ZNF385D: variants seen among roughly 807,000 people sequenced by gnomAD.
ZNF385D encodes the protein zinc finger protein 385D.
ZNF385D carries 15 observed loss-of-function variants against 35.8 expected under a neutral mutation model. The ratio of observed to expected loss-of-function variants is 0.42; its 90% CI spans 0.28 to 0.64. The LOEUF is 0.64. Ranked by LOEUF, ZNF385D falls within the 30% of genes least tolerant of loss-of-function variation. The probability of loss-of-function intolerance (pLI) is 0.23; values close to 1 mark genes in which losing one functional copy is unlikely to be tolerated. For synonymous variants in ZNF385D, 212 were observed against 186.8 expected, an observed-to-expected ratio of 1.13 and a Z score of -1.10; for missense variants, 474 against 494.6, an observed-to-expected ratio of 0.96 and a Z score of 0.39.
At chr3:22,324,933 A>G (rs186856272) in intron 2 of ZNF385D, among the ~76,000 whole-genome samples, 251 of 152,308 alleles carry the variant, frequency 1.6e-3, no homozygotes, top group African/African-American at 5.7e-3. Context: ...AACACTTACC[A>G]TCTGTATGAC....
chr3:21,805,673 T>C (rs1477346147), intron 3 of ZNF385D, among the ~76,000 whole-genome samples: 3 of 152,192 alleles, frequency 2.0e-5, no homozygotes, highest in Non-Finnish European at 4.4e-5. Flanking sequence ...TTTCTCCTTA[T>C]CCTGTCCTAA....
Position 21,616,280 on chromosome 3 carries a change from T to G in ZNF385D, c.165+48606A>C, listed in dbSNP as rs150262724. ...GAGAATCCGGGGTGACTACAATGCA[T>G]GCTATTTCCTTGCAAAGGAATCTGG... On this transcript the variant is annotated intron_variant, in intron 2 of 7. Coordinates refer to ENST00000281523, the MANE Select transcript of ZNF385D (RefSeq NM_024697.3). Among the ~76,000 whole-genome samples the G allele has an allele frequency of 1.4e-3, 218 of 152,298 alleles. 2 individuals carry two copies. The highest frequency in any genetic ancestry group is 2.6e-3 in the Admixed American group (39 of 15,294).
At chr3:22,273,910 T>C (rs1252474430) in intron 2 of ZNF385D, among the ~76,000 whole-genome samples, 6 of 151,978 alleles carry the variant, frequency 3.9e-5, no homozygotes, top group Admixed American at 3.3e-4. Flanking sequence ...TTTCCATATG[T>C]TTTTCCTACA....
At chr3:22,026,219 A>C (rs1435034745) in intron 3 of ZNF385D, among the ~76,000 whole-genome samples, 1 of 152,176 alleles carries the variant, frequency 6.6e-6, no homozygotes, top group African/African-American at 2.4e-5. Flanking sequence ...TTAATTATAA[A>C]AACAGAGAAT....
intron 3 of ZNF385D, among the ~76,000 whole-genome samples, chr3:21,963,338 T>C (rs1702702799): frequency 6.6e-6 from 1 of 152,140 alleles, no homozygotes; most frequent in African/African-American, 2.4e-5. Context: ...GGATGAACAG[T>C]ACTTAGTCTA....
chr3:22,034,283 C>T (rs998616724), intron 3 of ZNF385D, among the ~76,000 whole-genome samples: 3 of 152,136 alleles, frequency 2.0e-5, no homozygotes, highest in African/African-American at 7.2e-5. Flanking sequence ...TCTCTCTGCT[C>T]CCAGTCATAT....
At chr3:22,334,046 T>C (rs1221515172) in intron 2 of ZNF385D, among the ~76,000 whole-genome samples, 1 of 152,348 alleles carries the variant, frequency 6.6e-6, no homozygotes, top group Non-Finnish European at 1.5e-5. Flanking sequence ...GACTAGAAAC[T>C]ATACACATCC....
intron 2 of ZNF385D, among the ~76,000 whole-genome samples, chr3:21,606,055 C>T (rs2125776723): frequency 6.6e-6 from 1 of 152,266 alleles, no homozygotes; most frequent in South Asian, 2.1e-4. Flanking sequence ...ATGGCTCTAC[C>T]ATCTGCATTC....
intron 3 of ZNF385D, among the ~76,000 whole-genome samples, chr3:21,905,228 A>AAC (rs1264527119): frequency 3.4e-5 from 5 of 146,778 alleles, no homozygotes; most frequent in Non-Finnish European, 4.5e-5. Flanking sequence ...AAAAAAAAAA[A>AAC]CCCTAAACCT....
intron 3 of ZNF385D, among the ~76,000 whole-genome samples, chr3:21,780,194 A>T (rs756065711): frequency 2.1e-4 from 32 of 152,038 alleles, no homozygotes; most frequent in Non-Finnish European, 2.8e-4. Flanking sequence ...TGTGCCAGGC[A>T]CTGATCTAAC....
chr3:21,999,782 A>T (rs111233059), intron 3 of ZNF385D, among the ~76,000 whole-genome samples: 3,473 of 149,270 alleles, frequency 0.023, 130 homozygotes, highest in African/African-American at 0.07. Flanking sequence ...AAAAAAAAAA[A>T]AATAATAATA....
intron 2 of ZNF385D, among the ~76,000 whole-genome samples, chr3:21,634,977 C>T (rs1036941676): frequency 2.6e-5 from 4 of 152,000 alleles, no homozygotes; most frequent in African/African-American, 4.8e-5. Flanking sequence ...TAGGAACAAA[C>T]CGTGATTTCC....
intron 2 of ZNF385D, among the ~76,000 whole-genome samples, chr3:22,185,086 G>T (rs995416128): frequency 5.9e-5 from 9 of 152,070 alleles, no homozygotes; most frequent in African/African-American, 2.2e-4. Context: ...ATCAACTTCA[G>T]TTCACTGTAT....
intron 2 of ZNF385D, among the ~76,000 whole-genome samples, chr3:21,645,685 G>A (rs377253046): frequency 6.6e-6 from 1 of 152,118 alleles, no homozygotes; most frequent in Non-Finnish European, 1.5e-5. Context: ...CAGTCACCAT[G>A]GCTCGCTGTC....
intron 1 of ZNF385D, among the ~76,000 whole-genome samples, chr3:21,710,020 T>C (rs926430222): frequency 1.3e-5 from 2 of 152,162 alleles, no homozygotes; most frequent in Admixed American, 6.5e-5. Flanking sequence ...TTTGGGATGA[T>C]TGAGATGAGC....
chr3:22,033,934 C>G (rs1698160645), intron 3 of ZNF385D, among the ~76,000 whole-genome samples: 1 of 152,148 alleles, frequency 6.6e-6, no homozygotes. Context: ...TACTGAAAAT[C>G]CTGTGTGCTG....
At position 21,928,474 on chromosome 3, in the gene ZNF385D, T is replaced by C. The variant is rs1427009808; in HGVS notation, c.325+240343A>G. Among the ~76,000 whole-genome samples the C allele has an allele frequency of 2.0e-4, 30 of 151,960 alleles. 1 individual carries two copies. The highest frequency in any genetic ancestry group is 2.0e-3 in the Admixed American group (30 of 15,260). ...GCGAAGGAATCACATTATCACCAGC[T>C]GGACTTAAATGACATCTATAGAACT... On this transcript the variant is annotated intron_variant, in intron 3 of 5. Coordinates refer to the ZNF385D transcript ENST00000494108.
chr3:21,613,301 C>T (rs550135711), intron 2 of ZNF385D, among the ~76,000 whole-genome samples: 2 of 150,772 alleles, frequency 1.3e-5, no homozygotes, highest in Non-Finnish European at 2.9e-5. Context: ...ACCCCAAGAC[C>T]ACTCAAAATG....
chr3:22,102,655 G>T (rs897847246), intron 3 of ZNF385D, among the ~76,000 whole-genome samples: 1 of 152,010 alleles, frequency 6.6e-6, no homozygotes, highest in Non-Finnish European at 1.5e-5. Context: ...GATGACTGGG[G>T]TAGAGAATAA....
Sources: allele counts gnomAD v4.1 joint callset (sites outside exome capture counted in the v4.1 genomes callset), GRCh38; gene constraint gnomAD v4.1.1; transcripts MANE v1.5; gene names NCBI Gene and HGNC (gene_info 2026-07-23, HGNC 2026-07-21).